Variants in C3orf49 observed in about 807,000 individuals in gnomAD.
C3orf49 encodes the protein putative uncharacterized protein C3orf49.
C3orf49 carries 27 observed loss-of-function variants against 13.3 expected under a neutral mutation model. The observed-to-expected ratio is 2.02, with a 90% CI of 1.49 to 2.79. The LOEUF (loss-of-function observed/expected upper bound fraction) is 2.79, where lower values mean the gene tolerates loss of function less well. Ranked by LOEUF, C3orf49 falls within the 30% of genes most tolerant of loss-of-function variation. The pLI, the probability that C3orf49 is intolerant of heterozygous loss-of-function variation, is 0.00. For synonymous variants in C3orf49, 87 were observed against 47.6 expected, an observed-to-expected ratio of 1.83 and a Z score of -3.40; for missense variants, 242 against 134.2, an observed-to-expected ratio of 1.80 and a Z score of -3.97.
At chr3:63,805,248 C>T in the C3orf49 span, among the ~76,000 whole-genome samples, 1 of 152,324 alleles carries the variant, frequency 6.6e-6, no homozygotes, top group African/African-American at 2.4e-5. Flanking sequence ...AGAGGAAACA[C>T]AAAAGTTGGC....
At chr3:63,788,026 G>C in the C3orf49 span, among the ~76,000 whole-genome samples, 1 of 152,168 alleles carries the variant, frequency 6.6e-6, no homozygotes, top group African/African-American at 2.4e-5. Context: ...ACAATGAGAA[G>C]AGTTAGAGCC....
At chr3:63,826,883 A>G (rs1193584951) in intron 2 of C3orf49, 1 of 151,944 alleles carries the variant, frequency 6.6e-6, no homozygotes, top group Non-Finnish European at 1.5e-5. Context: ...CGGGAGGTGG[A>G]GCTTGCAGTG....
At position 63,827,601 on chromosome 3, in the gene C3orf49, C is replaced by T. The variant is rs529160221; in HGVS notation, c.446C>T (p.Ala149Val). The T allele has an allele frequency of 4.4e-5, 31 of 701,414 alleles. No individual in the cohort carries two copies. Among genetic ancestry groups the T allele is most frequent in the South Asian group, 3.6e-4 (24 of 67,262 alleles). The allele number at this position is 701,414 out of a possible 1,614,324, so 43.4% of individuals were successfully genotyped here. ...TAKMRKLSEN[A>V]TIQLDVVEAE... ...ATTCCTTTTTCCCCCTTTCTTGAAG[C>T]GACTATACAACTTGATGTTGTAGAG... The change falls in exon 3 of 7, where the codon GCG (alanine) becomes GTG (valine). Residue 149 changes from alanine (A) to valine (V), a missense_variant and splice_region_variant. By Grantham distance (64) the Ala-to-Val change is moderately conservative. Transcript: ENST00000295896.
chr3:63,838,564 A>G (rs1701684681), intron 5 of C3orf49: 1 of 1,435,510 alleles, frequency 7.0e-7, no homozygotes, highest in Non-Finnish European at 9.4e-7. Flanking sequence ...AACTGTTATA[A>G]TGCAGACAAA....
intron 2 of C3orf49, among the ~76,000 whole-genome samples, chr3:63,825,589 C>G (rs1378925636): frequency 6.6e-6 from 1 of 152,182 alleles, no homozygotes; most frequent in Non-Finnish European, 1.5e-5. Flanking sequence ...CAAATATCAA[C>G]TAAGATTTCT....
At chr3:63,825,407 A>G (rs1481934456) in intron 2 of C3orf49, among the ~76,000 whole-genome samples, 3 of 152,226 alleles carry the variant, frequency 2.0e-5, no homozygotes, top group Non-Finnish European at 4.4e-5. Context: ...CAAGCATCCA[A>G]GCATCTAGCA....
intron 5 of C3orf49, among the ~76,000 whole-genome samples, chr3:63,840,901 C>T (rs1319700079): frequency 1.3e-5 from 2 of 152,218 alleles, no homozygotes; most frequent in African/African-American, 4.8e-5. Flanking sequence ...TAAAAACACA[C>T]TACCATTCTG....
chr3:63,818,746 T>C (rs1348339991), upstream of C3orf49, among the ~76,000 whole-genome samples: 1 of 152,084 alleles, frequency 6.6e-6, no homozygotes, highest in Non-Finnish European at 1.5e-5. Flanking sequence ...TGGTGAGAAG[T>C]TCCATCACAG....
chr3:63,834,081 T>C, intron 5 of C3orf49: 2 of 1,582,270 alleles, frequency 1.3e-6, no homozygotes, highest in Non-Finnish European at 1.7e-6. Context: ...AAACACATTA[T>C]GGTCATGTAG....
upstream of C3orf49, among the ~76,000 whole-genome samples, chr3:63,814,828 G>A (rs2107084695): frequency 2.0e-5 from 3 of 152,098 alleles, no homozygotes; most frequent in Admixed American, 2.0e-4. Flanking sequence ...CCCTATAGTA[G>A]GCTGTTCTTG....
At chr3:63,818,581 T>G (rs1701349924), upstream of C3orf49, among the ~76,000 whole-genome samples, 1 of 152,172 alleles carries the variant, frequency 6.6e-6, no homozygotes, top group Non-Finnish European at 1.5e-5. Context: ...TGCTCCAGAT[T>G]ATTGATTAAT....
chr3:63,811,266 G>C, the C3orf49 span, among the ~76,000 whole-genome samples: 1 of 152,064 alleles, frequency 6.6e-6, no homozygotes, highest in Non-Finnish European at 1.5e-5. Flanking sequence ...AATAAAAATA[G>C]AGCCAGGCAC....
upstream of C3orf49, among the ~76,000 whole-genome samples, chr3:63,817,355 C>G (rs1009439321): frequency 6.6e-6 from 1 of 152,130 alleles, no homozygotes; most frequent in Non-Finnish European, 1.5e-5. Context: ...GCATCTCCCA[C>G]AGCATATTAA....
At chr3:63,847,762 CT>C (rs1701930589) in intron 6 of C3orf49, among the ~76,000 whole-genome samples, 1 of 152,030 alleles carries the variant, frequency 6.6e-6, no homozygotes, top group Non-Finnish European at 1.5e-5. Context: ...AAAACAAACT[CT>C]GACATAACTT....
intron 5 of C3orf49, among the ~76,000 whole-genome samples, chr3:63,842,976 C>T (rs1323498321): frequency 1.3e-5 from 2 of 151,502 alleles, no homozygotes; most frequent in African/African-American, 4.9e-5. Flanking sequence ...TTTATAGAGA[C>T]AGAGTTTCAC....
intron 6 of C3orf49, chr3:63,846,122 T>A (rs918270392): frequency 2.5e-6 from 1 of 400,516 alleles, no homozygotes; most frequent in Admixed American, 2.8e-5. Context: ...GTAAAACTGA[T>A]GTAACTCCTA....
At position 63,841,516 on chromosome 3, in the gene C3orf49, G is replaced by A. The variant is rs138004244; in HGVS notation, c.850-3507G>A. Reference sequence around the variant, plus strand: ...TGTGTGTAGGCAGAAGTATTTTTGAGCGCAGGTGCAGCGGAGATAAACTTT... The same window carrying A: ...TGTGTGTAGGCAGAAGTATTTTTGAACGCAGGTGCAGCGGAGATAAACTTT... On this transcript the variant is annotated intron_variant, in intron 5 of 6. Transcript: ENST00000295896. Among the ~76,000 whole-genome samples the A allele has an allele frequency of 2.0e-5, 3 of 152,306 alleles. No homozygotes were observed. In the East Asian group the frequency reaches 5.8e-4, roughly 29 times the overall value.
chr3:63,831,819 C>A lies in C3orf49; in HGVS notation c.824C>A (p.Thr275Asn), dbSNP rs79337186. 4.3e-6 allele frequency: 3 copies of A among 699,000 alleles called. No individual in the cohort carries two copies. In the African/African-American group the frequency reaches 5.3e-5, roughly 12 times the overall value. 43.3% of individuals were successfully genotyped at this position (699,000 alleles called of 1,614,324 possible). A position where few individuals can be genotyped will look rare whatever the true frequency, so the allele number is the denominator to read the frequency against. The change falls in exon 5 of 7, where the codon ACC (threonine) becomes AAC (asparagine). Residue 275 changes from threonine (T) to asparagine (N), a missense_variant. By Grantham distance (65) the Thr-to-Asn change is moderately conservative. Transcript: ENST00000295896. The stretch of plus-strand genomic sequence containing the variant: ...CAGTTCCAGAGGATATCCAAGAGAA[C>A]CATGAGGAAGTATAAATTAAAAAAT... Reference protein sequence around the residue: ...SKQFQRISKRTMRKYKLKNMT... With the variant: ...SKQFQRISKRNMRKYKLKNMT...
At chr3:63,785,481 G>T in the C3orf49 span, among the ~76,000 whole-genome samples, 3 of 152,108 alleles carry the variant, frequency 2.0e-5, no homozygotes, top group African/African-American at 7.2e-5. Flanking sequence ...TGATTGGAAA[G>T]GTTTAAAGGT....
Sources: gnomAD v4.1 joint callset for allele counts (sites outside exome capture counted in the v4.1 genomes callset) on GRCh38, gnomAD v4.1.1 for gene constraint, MANE v1.5 for transcripts, NCBI Gene and HGNC (gene_info 2026-07-23, HGNC 2026-07-21) for gene names.